Variants in INSIG1 observed in about 807,000 individuals in gnomAD.
INSIG1 encodes insulin induced gene 1.
A neutral mutation model predicts 26.5 loss-of-function variants in INSIG1; 14 were observed. That is an observed-to-expected ratio of 0.53 (90% CI 0.35 to 0.83). The LOEUF (loss-of-function observed/expected upper bound fraction) is 0.83, where lower values mean the gene tolerates loss of function less well. INSIG1 is among the 40% of genes least tolerant of loss of function. The pLI is 0.01. For missense variants in INSIG1, 272 were observed against 368.9 expected, an observed-to-expected ratio of 0.74 and a Z score of 2.15; for synonymous variants, 147 against 153.3, an observed-to-expected ratio of 0.96 and a Z score of 0.30.
intron 5 of INSIG1, among the ~76,000 whole-genome samples, chr7:155,306,296 G>A (rs1015651928): frequency 5.9e-5 from 9 of 152,228 alleles, no homozygotes; most frequent in East Asian, 1.9e-4. Flanking sequence ...CACCGCGCCC[G>A]GCCCAGCCTG....
At chr7:155,300,261 C>T (rs1376846772) in intron 2 of INSIG1, among the ~76,000 whole-genome samples, 1 of 152,012 alleles carries the variant, frequency 6.6e-6, no homozygotes, top group Admixed American at 6.6e-5. Context: ...ATTTCTCATA[C>T]TCTCATATTC....
At chr7:155,304,090 A>C (rs1422159068) in intron 5 of INSIG1, among the ~76,000 whole-genome samples, 2 of 150,494 alleles carry the variant, frequency 1.3e-5, no homozygotes, top group Non-Finnish European at 2.9e-5. Context: ...CAGCGTCCCG[A>C]GTAGCTGGGA....
intron 5 of INSIG1, among the ~76,000 whole-genome samples, chr7:155,305,058 A>G (rs1292814308): frequency 6.6e-6 from 1 of 150,602 alleles, no homozygotes; most frequent in Non-Finnish European, 1.5e-5. Context: ...AGGCAGGAGA[A>G]TGGCGTGAAC....
Position 155,298,409 on chromosome 7 carries a change from G to A in INSIG1, c.124G>A (p.Val42Met). 6.4e-7 allele frequency: 1 copy of A among 1,559,104 alleles called. No individual in the cohort carries two copies. Among genetic ancestry groups the A allele is most frequent in the Non-Finnish European group, 8.7e-7 (1 of 1,152,948 alleles). Residue 42 changes from valine (V) to methionine (M), a missense_variant, in exon 2 of 6, where the codon GTG (valine) becomes ATG (methionine). Around this residue, in one of 2 missense-constraint regions of INSIG1, gnomAD observed 161 missense variants for 179.2 expected, o/e 0.90. Coordinates refer to ENST00000340368, the MANE Select transcript of INSIG1 (RefSeq NM_005542.6). The part of the protein sequence containing the change: ...AKVGEMINVS[V>M]SGPSLLAAHG... ...GGTTGGGGAGATGATCAACGTTTCC[G>A]TGTCCGGGCCCTCCCTGCTGGCGGC... is the stretch of plus-strand genomic sequence containing the variant.
Position 155,298,583 on chromosome 7 carries a change from C to G in INSIG1, c.298C>G (p.Leu100Val). ...VLFSVGVVLA[L>V]VLNLLQIQRN... The stretch of plus-strand genomic sequence containing the variant: ...CTTCTCGGTTGGGGTGGTCCTAGCC[C>G]TGGTGCTCAACCTGCTGCAGATCCA... The change falls in exon 2 of 6, where the codon CTG (leucine) becomes GTG (valine). Residue 100 changes from leucine (L) to valine (V), a missense_variant. Coordinates refer to ENST00000340368, the MANE Select transcript of INSIG1 (RefSeq NM_005542.6). The G allele has an allele frequency of 2.5e-6, 4 of 1,612,654 alleles. No homozygotes were observed. The highest frequency in any genetic ancestry group is 3.4e-6 in the Non-Finnish European group (4 of 1,179,560).
intron 2 of INSIG1, among the ~76,000 whole-genome samples, chr7:155,300,451 G>A (rs1797753280): frequency 6.6e-6 from 1 of 152,112 alleles, no homozygotes; most frequent in Non-Finnish European, 1.5e-5. Context: ...TTATCTGAAT[G>A]TTTGATGCAA....
rs755144116 is a variant in INSIG1, at chr7:155,298,456, C to A, written c.171C>A (p.Asp57Glu). The A allele has an allele frequency of 6.4e-7, 1 of 1,556,714 alleles. No individual in the cohort carries two copies. Among genetic ancestry groups the A allele is most frequent in the South Asian group, 1.2e-5 (1 of 85,954 alleles). The change falls in exon 2 of 6, where the codon GAC becomes GAA. Residue 57 changes from aspartate to glutamate, a missense_variant. Transcript: ENST00000340368. ...LLAAHGAPDA[D>E]PAPRGRSAAM... ...CGGCCCACGGTGCCCCGGACGCTGA[C>A]CCCGCGCCCAGGGGCCGCAGTGCTG...
In INSIG1 at chr7:155,302,880, T is replaced by C; in HGVS notation, c.804+34T>C. On this transcript the variant is annotated intron_variant, in intron 5 of 5. Transcript: ENST00000340368. This position sits in a 1 kb window ranked among gnomAD's most constrained non-coding sequence, Gnocchi z 4.3. Reference sequence around the variant, plus strand: ...AATGATCATATTATCTTCTAAAACTTGCGTCTCTTTACCTTGATAGAATGA... The same window carrying C: ...AATGATCATATTATCTTCTAAAACTCGCGTCTCTTTACCTTGATAGAATGA... 7.1e-7 allele frequency: 1 copy of C among 1,402,012 alleles called. No individual in the cohort carries two copies. The highest frequency in any genetic ancestry group is 1.2e-5 in the South Asian group (1 of 86,554). The allele number at this position is 1,402,012 out of a possible 1,614,324, so 86.8% of individuals were successfully genotyped here.
At chr7:155,306,112 G>A (rs931419249) in intron 5 of INSIG1, among the ~76,000 whole-genome samples, 2 of 152,116 alleles carry the variant, frequency 1.3e-5, no homozygotes, top group Non-Finnish European at 2.9e-5. Context: ...TGATTATCCT[G>A]CCTCAGCCTC....
At chr7:155,298,081 G>A (rs1348480766) in intron 1 of INSIG1, 122 bp downstream of exon 1, 2 of 438,396 alleles carry the variant, frequency 4.6e-6, no homozygotes, top group East Asian at 3.7e-5. Context: ...CGCTGGGGCC[G>A]GGGATGCTGC....
chr7:155,304,661 G>A (rs899500820), intron 5 of INSIG1, among the ~76,000 whole-genome samples: 3 of 152,112 alleles, frequency 2.0e-5, no homozygotes, highest in East Asian at 1.9e-4. Flanking sequence ...AAACATTTTC[G>A]TTTTGAAGAT....
Position 155,309,114 on chromosome 7 carries a change from G to T in INSIG1, c.*844G>T, listed in dbSNP as rs1257543393. ...TTGTTACTACAGAATAGAGATGACTGTTTTTTGCCACAGCCCTATGGAATT... is the reference window on the plus strand; with the variant it reads ...TTGTTACTACAGAATAGAGATGACTTTTTTTTGCCACAGCCCTATGGAATT... On this transcript the variant is annotated 3_prime_UTR_variant, in exon 6 of 6. Transcript: ENST00000340368. 6.6e-6 allele frequency: 1 copy of T among 152,452 alleles called. No homozygotes were observed. The highest frequency in any genetic ancestry group is 6.5e-5 in the Admixed American group (1 of 15,286). The allele number at this position is 152,452 out of a possible 1,614,324, so 9.4% of individuals were successfully genotyped here. A position where few individuals can be genotyped will look rare whatever the true frequency, so the allele number is the denominator to read the frequency against.
chr7:155,308,276 C>T lies in INSIG1; in HGVS notation c.*6C>T, dbSNP rs1460385330. Reference sequence around the variant, plus strand: ...AAAAGCCCCATAGTGATTGAGTCTTCAAAACCACCGATTCTGAGAGCAAGG... The same window carrying T: ...AAAAGCCCCATAGTGATTGAGTCTTTAAAACCACCGATTCTGAGAGCAAGG... On this transcript the variant is annotated 3_prime_UTR_variant, in exon 6 of 6. Coordinates refer to ENST00000340368, the MANE Select transcript of INSIG1 (RefSeq NM_005542.6). 2 of 1,612,208 alleles carry T rather than the reference C, an allele frequency of 1.2e-6. No homozygotes were observed. Among genetic ancestry groups the T allele is most frequent in the South Asian group, 2.2e-5 (2 of 91,046 alleles).
intron 2 of INSIG1, among the ~76,000 whole-genome samples, chr7:155,300,612 C>G (rs551581597): frequency 1.6e-4 from 24 of 152,288 alleles, no homozygotes; most frequent in East Asian, 3.9e-4. Context: ...CCCACTCCCC[C>G]CTACAGACAT....
intron 5 of INSIG1, among the ~76,000 whole-genome samples, chr7:155,306,862 T>A (rs775292976): frequency 3.9e-5 from 6 of 152,248 alleles, no homozygotes; most frequent in Non-Finnish European, 8.8e-5. Context: ...TGTTGGTGTC[T>A]GGGTTGCCAT....
At chr7:155,301,370 AC>A (rs1390902484) in intron 2 of INSIG1, among the ~76,000 whole-genome samples, 195 bp from the exon 3 acceptor site, 5 of 152,026 alleles carry the variant, frequency 3.3e-5, no homozygotes, top group African/African-American at 4.8e-5. Context: ...TTTTTAAAAA[AC>A]TTTTCCAAAC....
At chr7:155,306,497 G>C (rs1441259429) in intron 5 of INSIG1, among the ~76,000 whole-genome samples, 1 of 152,212 alleles carries the variant, frequency 6.6e-6, no homozygotes, top group Non-Finnish European at 1.5e-5. Flanking sequence ...GTCAGCTTGG[G>C]ATTTGATTTG....
Position 155,302,048 on chromosome 7 carries a change from T to A in INSIG1, c.538-203T>A, listed in dbSNP as rs1488839597. ...TATGGTTAAGTTTTTGACTCAGTGATGGCAGGGAGATTTCAGGTGATCTTA... is the reference window on the plus strand; with the variant it reads ...TATGGTTAAGTTTTTGACTCAGTGAAGGCAGGGAGATTTCAGGTGATCTTA... On this transcript the variant is annotated intron_variant, in intron 3 of 5. Coordinates refer to ENST00000340368, the MANE Select transcript of INSIG1 (RefSeq NM_005542.6). This position sits in a 1 kb window ranked among gnomAD's most constrained non-coding sequence, Gnocchi z 4.3. 6.6e-6 allele frequency among the ~76,000 whole-genome samples: 1 copy of A among 151,000 alleles called. No individual in the cohort carries two copies. The highest frequency in any genetic ancestry group is 1.5e-5 in the Non-Finnish European group (1 of 67,862).
In INSIG1 at chr7:155,298,575, T is replaced by G. The variant is rs1585200031; in HGVS notation, c.290T>G (p.Val97Gly). The G allele has an allele frequency of 1.2e-6, 2 of 1,611,638 alleles. No homozygotes were observed. Among genetic ancestry groups the G allele is most frequent in the African/African-American group, 1.3e-5 (1 of 74,902 alleles). ...CTCGTGCTCTTCTCGGTTGGGGTGG[T>G]CCTAGCCCTGGTGCTCAACCTGCTG... Reference protein sequence around the residue: ...RSLVLFSVGVVLALVLNLLQI... With the variant: ...RSLVLFSVGVGLALVLNLLQI... Residue 97 changes from valine (V) to glycine (G), a missense_variant, in exon 2 of 6, where the codon GTC (valine) becomes GGC (glycine). Physicochemically the swap from Val to Gly is moderately radical, Grantham distance 109. Coordinates refer to ENST00000340368, the MANE Select transcript of INSIG1 (RefSeq NM_005542.6).
Sources: gnomAD v4.1 joint callset for allele counts (sites outside exome capture counted in the v4.1 genomes callset) on GRCh38, gnomAD v4.1.1 for gene constraint, gnomAD v4.1.1 regional missense constraint, Gnocchi (gnomAD v3.1) non-coding constraint, MANE v1.5 for transcripts, NCBI Gene and HGNC (gene_info 2026-07-23, HGNC 2026-07-21) for gene names.